Variants in COL5A2 observed in about 807,000 individuals in gnomAD.
COL5A2 encodes the protein collagen type V alpha 2 chain.
A neutral mutation model predicts 208.2 loss-of-function variants in COL5A2; 23 were observed. The ratio of observed to expected loss-of-function variants is 0.11; its 90% confidence interval spans 0.08 to 0.16. The LOEUF is 0.16. Ranked by LOEUF, COL5A2 falls within the 10% of genes least tolerant of loss-of-function variation. The pLI is 1.00. For synonymous variants in COL5A2, 625 were observed against 628.5 expected, an observed-to-expected ratio of 0.99 and a Z score of 0.08; for missense variants, 1,590 against 1,956.4, an observed-to-expected ratio of 0.81 and a Z score of 3.53.
At chr2:189,214,019 G>A (rs1689248299) in intron 1 of COL5A2, among the ~76,000 whole-genome samples, 1 of 152,038 alleles carries the variant, frequency 6.6e-6, no homozygotes, top group African/African-American at 2.4e-5. Context: ...GTTTTTAATG[G>A]TAGTACCTAG....
intron 52 of COL5A2, among the ~76,000 whole-genome samples, 179 bp from the exon 53 acceptor site, chr2:189,035,334 A>G (rs968332639): frequency 6.6e-6 from 1 of 152,134 alleles, no homozygotes; most frequent in African/African-American, 2.4e-5. Flanking sequence ...TAAAATGTCT[A>G]TGAATACTCA....
chr2:189,195,083 C>T (rs1688982998), intron 1 of COL5A2, among the ~76,000 whole-genome samples: 1 of 151,932 alleles, frequency 6.6e-6, no homozygotes, highest in Non-Finnish European at 1.5e-5. Flanking sequence ...ATTGTCTCAG[C>T]CCCAAAACTC....
the COL5A2 span, among the ~76,000 whole-genome samples, chr2:189,398,318 A>G: frequency 3.3e-5 from 5 of 152,128 alleles, no homozygotes; most frequent in African/African-American, 7.2e-5. Context: ...CTATTGCTCA[A>G]ATCTTCCATA....
the COL5A2 span, among the ~76,000 whole-genome samples, chr2:189,341,077 T>C: frequency 6.6e-6 from 1 of 152,156 alleles, no homozygotes; most frequent in African/African-American, 2.4e-5. Flanking sequence ...GATGATCAAG[T>C]ATAGTATATG....
At chr2:189,300,367 A>G in the COL5A2 span, among the ~76,000 whole-genome samples, 1 of 152,292 alleles carries the variant, frequency 6.6e-6, no homozygotes, top group South Asian at 2.1e-4. Flanking sequence ...ACTGTGTAAA[A>G]TTGGAAGTTT....
chr2:189,215,038 T>G (rs1277053686), intron 1 of COL5A2, among the ~76,000 whole-genome samples: 1 of 152,180 alleles, frequency 6.6e-6, no homozygotes, highest in Non-Finnish European at 1.5e-5. Flanking sequence ...TTAATGGAAT[T>G]TCTTATTGAC....
chr2:189,056,464 C>T (rs1685903231), intron 35 of COL5A2, among the ~76,000 whole-genome samples: 1 of 152,166 alleles, frequency 6.6e-6, no homozygotes, highest in South Asian at 2.1e-4. Context: ...TTAAACAATG[C>T]TTTGCAGTTG....
intron 1 of COL5A2, among the ~76,000 whole-genome samples, chr2:189,152,202 G>C (rs908468883): frequency 3.3e-5 from 5 of 152,122 alleles, no homozygotes; most frequent in African/African-American, 4.8e-5. Flanking sequence ...TATGGAACCT[G>C]ACACTTACAT....
chr2:189,386,485 C>T, the COL5A2 span, among the ~76,000 whole-genome samples: 9 of 151,958 alleles, frequency 5.9e-5, no homozygotes, highest in Non-Finnish European at 8.8e-5. Context: ...TAAGTGGGAC[C>T]TAATTAAACT....
chr2:189,365,086 CAT>C, the COL5A2 span, among the ~76,000 whole-genome samples: 1 of 152,118 alleles, frequency 6.6e-6, no homozygotes. Flanking sequence ...TTTTCTAAAT[CAT>C]GTGATGTCTT....
At chr2:189,069,393 A>G (rs1326378849) in intron 18 of COL5A2, among the ~76,000 whole-genome samples, 2 of 152,162 alleles carry the variant, frequency 1.3e-5, no homozygotes, top group African/African-American at 4.8e-5. Flanking sequence ...TACTTTTAGT[A>G]TGTTCTTACA....
chr2:189,047,372 G>A (rs552299186), intron 45 of COL5A2, among the ~76,000 whole-genome samples: 54 of 152,206 alleles, frequency 3.5e-4, no homozygotes, highest in South Asian at 2.5e-3. Flanking sequence ...GTAGATGAGC[G>A]GGACTTAGCC....
the COL5A2 span, among the ~76,000 whole-genome samples, chr2:189,404,881 A>G: frequency 6.6e-6 from 1 of 152,220 alleles, no homozygotes; most frequent in African/African-American, 2.4e-5. Context: ...GTATGAATAT[A>G]CTACGATGTG....
At chr2:189,197,856 T>TG (rs1352692277) in intron 1 of COL5A2, among the ~76,000 whole-genome samples, 1 of 27,182 alleles carries the variant, frequency 3.7e-5, no homozygotes, top group Non-Finnish European at 1.5e-4. Flanking sequence ...AGGCTCTTGT[T>TG]TTTTTTTTTT....
chr2:189,060,687 C>T lies in COL5A2; in HGVS notation c.2085+43G>A, dbSNP rs889693803. 1.1e-5 allele frequency: 16 copies of T among 1,507,738 alleles called. No homozygotes were observed. The Admixed American group carries it at 1.3e-4, about 13-fold the overall frequency. 93.4% of individuals were successfully genotyped at this position (1,507,738 alleles called of 1,614,324 possible). Reference sequence around the variant, plus strand: ...CACACATAAAAAGTGATAATTGAGCCAGCAATGTATAGTGTTGCCATTATT... The same window carrying T: ...CACACATAAAAAGTGATAATTGAGCTAGCAATGTATAGTGTTGCCATTATT... On this transcript the variant is annotated intron_variant, in intron 31 of 53. Coordinates refer to ENST00000374866, the MANE Select transcript of COL5A2 (RefSeq NM_000393.5).
the COL5A2 span, among the ~76,000 whole-genome samples, chr2:189,367,031 T>C: frequency 3.3e-5 from 5 of 152,162 alleles, no homozygotes; most frequent in East Asian, 5.8e-4. Context: ...AAAGTGAATC[T>C]AGCGCATAGG....
At chr2:189,327,485 G>C in the COL5A2 span, among the ~76,000 whole-genome samples, 2 of 152,116 alleles carry the variant, frequency 1.3e-5, no homozygotes, top group South Asian at 4.1e-4. Context: ...TTGAAGAAAG[G>C]AGGAAAACTT....
chr2:189,090,854 T>C (rs1274237846), intron 7 of COL5A2, among the ~76,000 whole-genome samples: 2 of 152,198 alleles, frequency 1.3e-5, no homozygotes, highest in Admixed American at 6.5e-5. Flanking sequence ...TTTCAAAATA[T>C]TACTGCTCAG....
chr2:189,297,943 G>A, the COL5A2 span, among the ~76,000 whole-genome samples: 1 of 151,978 alleles, frequency 6.6e-6, no homozygotes, highest in Non-Finnish European at 1.5e-5. Flanking sequence ...TGTTATATTT[G>A]ATAGATTCCA....
Sources: gnomAD v4.1 joint callset for allele counts (sites outside exome capture counted in the v4.1 genomes callset) on GRCh38, gnomAD v4.1.1 for gene constraint, MANE v1.5 for transcripts, NCBI Gene and HGNC (gene_info 2026-07-23, HGNC 2026-07-21) for gene names.